Variants in CEP57 observed in about 807,000 individuals in gnomAD.
CEP57 encodes centrosomal protein of 57 kDa.
In CEP57, 40 loss-of-function variants were observed where a neutral mutation model predicts 68.0. The ratio of observed to expected loss-of-function variants is 0.59; its 90% CI spans 0.46 to 0.77. The LOEUF is 0.77. Ranked by LOEUF, CEP57 falls within the 30% of genes least tolerant of loss-of-function variation. The probability of loss-of-function intolerance (pLI) is 0.00; values close to 1 mark genes in which losing one functional copy is unlikely to be tolerated. For synonymous variants in CEP57, 219 were observed against 198.7 expected, an observed-to-expected ratio of 1.10 and a Z score of -0.86; for missense variants, 606 against 580.7, an observed-to-expected ratio of 1.04 and a Z score of -0.45.
At chr11:95,794,084 C>A in intron 1 of CEP57, 1 of 315,746 alleles carries the variant, frequency 3.2e-6, no homozygotes, top group Non-Finnish European at 6.4e-6. Flanking sequence ...TTTTTTAAAG[C>A]AAACATTAAA....
chr11:95,819,020 C>T, intron 6 of CEP57, 116 bp downstream of exon 6: 3 of 814,410 alleles, frequency 3.7e-6, no homozygotes, highest in African/African-American at 1.7e-5. Flanking sequence ...GTCCAACATA[C>T]AAATTTTCAG....
rs886709166 is a variant in CEP57 at position 95,810,937 on chromosome 11, A to G, written c.203-1995A>G. Reference sequence around the variant, plus strand: ...GTGATCATTAAAAAGTCAGGAAACAACAGATGCTTGAGAGGATGTGGAGAA... The same window carrying G: ...GTGATCATTAAAAAGTCAGGAAACAGCAGATGCTTGAGAGGATGTGGAGAA... On this transcript the variant is annotated intron_variant, in intron 2 of 10. Transcript: ENST00000325542. Among the ~76,000 whole-genome samples, 9 of 152,174 alleles carry G rather than the reference A, an allele frequency of 5.9e-5. 1 individual carries two copies. In the East Asian group the frequency reaches 1.5e-3, roughly 26 times the overall value.
At chr11:95,818,086 C>T in intron 5 of CEP57, 183 bp downstream of exon 5, 1 of 551,428 alleles carries the variant, frequency 1.8e-6, no homozygotes, top group Non-Finnish European at 3.2e-6. Context: ...TCTTGGTGGG[C>T]ATTTTTTTTT....
At chr11:95,829,542 T>A (rs1390978299) in intron 10 of CEP57, among the ~76,000 whole-genome samples, 1 of 152,206 alleles carries the variant, frequency 6.6e-6, no homozygotes, top group Non-Finnish European at 1.5e-5. Context: ...AGAAACATCT[T>A]TCAAATACTG....
intron 1 of CEP57, among the ~76,000 whole-genome samples, chr11:95,791,891 G>T (rs553104919): frequency 1.1e-4 from 16 of 152,160 alleles, no homozygotes; most frequent in Non-Finnish European, 2.1e-4. Flanking sequence ...GCTGGATGAG[G>T]TGAATTGGAA....
intron 2 of CEP57, among the ~76,000 whole-genome samples, chr11:95,804,094 A>G (rs1861693730): frequency 6.6e-6 from 1 of 152,222 alleles, no homozygotes; most frequent in Non-Finnish European, 1.5e-5. Context: ...ATCAGGTATG[A>G]CAAATGTGAT....
chr11:95,817,042 T>C (rs1278508938), intron 4 of CEP57, among the ~76,000 whole-genome samples: 2 of 149,742 alleles, frequency 1.3e-5, no homozygotes, highest in Admixed American at 1.3e-4. Flanking sequence ...TAGGAGGCAA[T>C]CTTTATAAAT....
intron 2 of CEP57, among the ~76,000 whole-genome samples, chr11:95,809,713 C>G (rs905293503): frequency 1.3e-5 from 2 of 152,062 alleles, no homozygotes; most frequent in African/African-American, 4.8e-5. Context: ...AATTAATAGC[C>G]TGCCAACCAA....
intron 10 of CEP57, among the ~76,000 whole-genome samples, chr11:95,829,973 C>T (rs985558003): frequency 7.2e-5 from 11 of 152,120 alleles, no homozygotes; most frequent in Non-Finnish European, 1.6e-4. Flanking sequence ...GGGTTACTTG[C>T]TGCTGGGTAT....
intron 2 of CEP57, among the ~76,000 whole-genome samples, chr11:95,807,152 G>T (rs934393738): frequency 6.6e-6 from 1 of 152,094 alleles, no homozygotes; most frequent in Non-Finnish European, 1.5e-5. Context: ...TGCAGCTGAG[G>T]GTCCTGACTG....
At chr11:95,810,335 TG>T (rs1301817602) in intron 2 of CEP57, among the ~76,000 whole-genome samples, 2 of 152,196 alleles carry the variant, frequency 1.3e-5, no homozygotes, top group African/African-American at 4.8e-5. Context: ...AACATAGTGT[TG>T]GAACTTCTGG....
chr11:95,827,428 A>G (rs1862790871), intron 8 of CEP57: 2 of 258,190 alleles, frequency 7.7e-6, no homozygotes, highest in South Asian at 9.3e-5. Flanking sequence ...AAAATAATAT[A>G]TTTGAACTGG....
intron 10 of CEP57, among the ~76,000 whole-genome samples, chr11:95,830,256 G>C (rs1862945754): frequency 6.6e-6 from 1 of 152,178 alleles, no homozygotes; most frequent in Non-Finnish European, 1.5e-5. Flanking sequence ...ACTTGCCCAA[G>C]TACCAGCTTA....
intron 9 of CEP57, among the ~76,000 whole-genome samples, chr11:95,828,886 C>CA (rs367810558): frequency 3.3e-5 from 5 of 151,718 alleles, no homozygotes; most frequent in African/African-American, 1.2e-4. Flanking sequence ...ACTAAAAATA[C>CA]AAAAAATTGG....
At chr11:95,807,479 T>G (rs1045839075) in intron 2 of CEP57, among the ~76,000 whole-genome samples, 1 of 152,164 alleles carries the variant, frequency 6.6e-6, no homozygotes, top group Non-Finnish European at 1.5e-5. Context: ...GAAAAAAGAT[T>G]AGACGAATGG....
chr11:95,797,206 G>A (rs1459502437), intron 1 of CEP57, among the ~76,000 whole-genome samples: 1 of 121,544 alleles, frequency 8.2e-6, no homozygotes, highest in Admixed American at 1.2e-4. Context: ...TCACTCTCTT[G>A]CCTAGGCTGT....
chr11:95,814,418 C>T (rs1161561842), intron 4 of CEP57, among the ~76,000 whole-genome samples: 1 of 141,162 alleles, frequency 7.1e-6, no homozygotes, highest in Non-Finnish European at 1.5e-5. Flanking sequence ...TGGAGAGCAA[C>T]GGCGTGATCT....
rs199507017 is a variant in CEP57, at chr11:95,818,735, A to G, written c.622-92A>G. On this transcript the variant is annotated intron_variant, in intron 5 of 10. Transcript: ENST00000325542. ...ATCTAACCACCTTATATTGAGTAGG[A>G]TAAAATTTACATGTTCCAGTGCTGC... 3.1e-6 allele frequency: 3 copies of G among 977,968 alleles called. No homozygotes were observed. In the East Asian group the frequency reaches 7.3e-5, roughly 24 times the overall value. The allele number at this position is 977,968 out of a possible 1,614,324, so 60.6% of individuals were successfully genotyped here.
At chr11:95,816,215 G>A (rs542934001) in intron 4 of CEP57, among the ~76,000 whole-genome samples, 70 of 152,298 alleles carry the variant, frequency 4.6e-4, no homozygotes, top group African/African-American at 1.5e-3. Flanking sequence ...AGAGGGAAGT[G>A]CAGAGCAAGG....
Sources: allele counts gnomAD v4.1 joint callset (sites outside exome capture counted in the v4.1 genomes callset), GRCh38; gene constraint gnomAD v4.1.1; transcripts MANE v1.5; gene names NCBI Gene and HGNC (gene_info 2026-07-23, HGNC 2026-07-21).